The following DNAH12 variants were observed in gnomAD, a reference collection of about 807,000 sequenced individuals.
The protein encoded by DNAH12 is dynein axonemal heavy chain 12.
Under a neutral mutation model 371.5 loss-of-function variants are expected in DNAH12, and 285 were observed. The ratio of observed to expected loss-of-function variants is 0.77; its 90% CI spans 0.70 to 0.85. The LOEUF is 0.85. Among genes scored for constraint, DNAH12 ranks in the 40% least tolerant of loss-of-function variants. The pLI is 0.00. For missense variants in DNAH12, 3,611 were observed against 3,689.4 expected, an observed-to-expected ratio of 0.98 and a Z score of 0.55; for synonymous variants, 1,200 against 1,213.0, an observed-to-expected ratio of 0.99 and a Z score of 0.22.
chr3:57,372,950 T>C (rs1199519596), intron 55 of DNAH12, among the ~76,000 whole-genome samples: 1 of 152,228 alleles, frequency 6.6e-6, no homozygotes, highest in Non-Finnish European at 1.5e-5. Flanking sequence ...TCACTAAAAT[T>C]AGAAAGACTA....
chr3:57,391,543 C>A (rs1431931902), intron 45 of DNAH12, among the ~76,000 whole-genome samples: 2 of 152,154 alleles, frequency 1.3e-5, no homozygotes, highest in East Asian at 1.9e-4. Context: ...CCTATTGATT[C>A]CTAATACACT....
At position 57,498,737 on chromosome 3, in the gene DNAH12, C is replaced by T. The variant is rs577348765; in HGVS notation, c.1335+2584G>A. 2.0e-5 allele frequency among the ~76,000 whole-genome samples: 3 copies of T among 152,260 alleles called. No individual in the cohort carries two copies. The South Asian group carries it at 6.2e-4, about 32-fold the overall frequency. On this transcript the variant is annotated intron_variant, in intron 11 of 73. Coordinates refer to ENST00000495027, the MANE Select transcript of DNAH12 (RefSeq NM_001366028.2). ...AAGTTAGGCTAGGCGCGGTGGCTCA[C>T]ACCTGTAATCCCAGCATTTTGGGAG...
chr3:57,376,742 T>A (rs889151993), intron 53 of DNAH12, among the ~76,000 whole-genome samples: 19 of 152,158 alleles, frequency 1.2e-4, no homozygotes, highest in Non-Finnish European at 2.1e-4. Flanking sequence ...CACTTGGATT[T>A]AAAAAATTGT....
intron 12 of DNAH12, among the ~76,000 whole-genome samples, chr3:57,486,196 G>A (rs950660023): frequency 1.2e-3 from 171 of 146,744 alleles, no homozygotes; most frequent in African/African-American, 4.2e-3. Flanking sequence ...AAAAAAAAAA[G>A]AATTTACCCA....
At position 57,309,200 on chromosome 3, in the gene DNAH12, C is replaced by CATA. The variant is rs1344020586; in HGVS notation, c.11137_11139dup (p.Tyr3713dup). 4 of 1,550,392 alleles carry CATA rather than the reference C, an allele frequency of 2.6e-6. No individual in the cohort carries two copies. In the East Asian group the frequency reaches 9.8e-5, roughly 38 times the overall value. ...ACTAACACAGTATTCATGCTTTCTT[C>CATA]ATATCTCACAGGATACTTCCGTAGT... On this transcript the variant is annotated inframe_insertion, in exon 69 of 74. Coordinates refer to ENST00000495027, the MANE Select transcript of DNAH12 (RefSeq NM_001366028.2).
intron 50 of DNAH12, among the ~76,000 whole-genome samples, chr3:57,380,595 G>A (rs1258397108): frequency 1.3e-5 from 2 of 152,138 alleles, no homozygotes; most frequent in Non-Finnish European, 2.9e-5. Context: ...CTCCCGAGTA[G>A]CTGAGACTAC....
rs2062500028 is a variant in DNAH12 at position 57,344,895 on chromosome 3, T to C, written c.9674+7190A>G. Reference sequence around the variant, plus strand: ...GAGTGTAGTTAACAATAATATATTATTGTTGACTCTTGAACAACCAACACA... The same window carrying C: ...GAGTGTAGTTAACAATAATATATTACTGTTGACTCTTGAACAACCAACACA... On this transcript the variant is annotated intron_variant, in intron 60 of 73. Transcript: ENST00000495027. 2.0e-5 allele frequency among the ~76,000 whole-genome samples: 3 copies of C among 152,048 alleles called. No individual in the cohort carries two copies. The South Asian group carries it at 6.2e-4, about 32-fold the overall frequency.
intron 12 of DNAH12, among the ~76,000 whole-genome samples, chr3:57,486,290 C>T (rs1317135279): frequency 6.6e-6 from 1 of 151,884 alleles, no homozygotes; most frequent in Non-Finnish European, 1.5e-5. Flanking sequence ...AATATCTAGC[C>T]CAGGCACAGA....
intron 34 of DNAH12, among the ~76,000 whole-genome samples, chr3:57,426,828 G>GAAA (rs559705189): frequency 2.2e-5 from 2 of 92,952 alleles, no homozygotes; most frequent in Non-Finnish European, 2.2e-5. Flanking sequence ...GACTGTCTCA[G>GAAA]AAAAAAAAAA....
chr3:57,510,356 A>T (rs9811862), intron 5 of DNAH12, among the ~76,000 whole-genome samples: 92,184 of 151,610 alleles, frequency 0.61, 29,153 homozygotes, highest in South Asian at 0.74. Flanking sequence ...ACATATAGTT[A>T]AGGCTGGGCT....
chr3:57,521,469 T>C (rs1436115543), intron 4 of DNAH12, among the ~76,000 whole-genome samples: 1 of 151,676 alleles, frequency 6.6e-6, no homozygotes, highest in Non-Finnish European at 1.5e-5. Context: ...TCAAGACCAG[T>C]CTGGGCAGCA....
intron 30 of DNAH12, 115 bp downstream of exon 30, chr3:57,436,836 G>A (rs552058836): frequency 1.8e-5 from 12 of 656,342 alleles, no homozygotes; most frequent in Admixed American, 4.0e-5. Context: ...GGGGGCGGGC[G>A]GGGGTTGCTC....
At chr3:57,330,102 T>G (rs2153303218) in intron 62 of DNAH12, among the ~76,000 whole-genome samples, 1 of 151,990 alleles carries the variant, frequency 6.6e-6, no homozygotes, top group Admixed American at 6.5e-5. Flanking sequence ...GGAACACTTT[T>G]ACACTGTTGG....
At chr3:57,338,859 G>A (rs1476333318) in intron 60 of DNAH12, among the ~76,000 whole-genome samples, 3 of 152,272 alleles carry the variant, frequency 2.0e-5, no homozygotes, top group African/African-American at 4.8e-5. Context: ...CTTTCTGCAG[G>A]TGTACCCAAC....
At chr3:57,553,079 G>T in the DNAH12 span, among the ~76,000 whole-genome samples, 2 of 152,084 alleles carry the variant, frequency 1.3e-5, no homozygotes, top group African/African-American at 4.8e-5. Flanking sequence ...AGGAGGCTGA[G>T]GCAGGAGAAT....
chr3:57,371,512 C>T (rs1384655375), intron 55 of DNAH12, among the ~76,000 whole-genome samples: 1 of 151,844 alleles, frequency 6.6e-6, no homozygotes, highest in African/African-American at 2.4e-5. Context: ...TATATCAATA[C>T]AGCTGTTAAA....
At chr3:57,468,431 T>C (rs1056337526) in intron 17 of DNAH12, among the ~76,000 whole-genome samples, 1 of 152,066 alleles carries the variant, frequency 6.6e-6, no homozygotes, top group African/African-American at 2.4e-5. Context: ...GAGACCAGCC[T>C]GGGCAACACA....
intron 49 of DNAH12, among the ~76,000 whole-genome samples, chr3:57,382,968 G>C (rs1337209694): frequency 6.6e-6 from 1 of 152,202 alleles, no homozygotes; most frequent in Non-Finnish European, 1.5e-5. Flanking sequence ...TTCTGGGTGA[G>C]AATTAGATTC....
At chr3:57,325,885 A>G (rs1322678390) in intron 62 of DNAH12, among the ~76,000 whole-genome samples, 1 of 152,242 alleles carries the variant, frequency 6.6e-6, no homozygotes, top group Non-Finnish European at 1.5e-5. Flanking sequence ...GAGCTGATGG[A>G]GCTGAAAGCC....
Sources: gnomAD v4.1 joint callset for allele counts (sites outside exome capture counted in the v4.1 genomes callset) on GRCh38, gnomAD v4.1.1 for gene constraint, MANE v1.5 for transcripts, NCBI Gene and HGNC (gene_info 2026-07-23, HGNC 2026-07-21) for gene names.